GARRE1: variants seen among roughly 807,000 people sequenced by gnomAD.
The protein encoded by GARRE1 is granule associated Rac and RHOG effector 1.
A neutral mutation model predicts 103.2 loss-of-function variants in GARRE1; 49 were observed. The ratio of observed to expected loss-of-function variants is 0.47; its 90% CI spans 0.38 to 0.60. The LOEUF (loss-of-function observed/expected upper bound fraction) is 0.60, where lower values mean the gene tolerates loss of function less well. GARRE1 is among the 20% of genes least tolerant of loss of function. GARRE1 has a pLI of 0.00. For synonymous variants in GARRE1, 505 were observed against 532.8 expected (o/e 0.95, Z 0.72); for missense variants, 1,199 against 1,370.5 (o/e 0.87, Z 1.98).
chr19:34,341,683 T>C lies in GARRE1; in HGVS notation c.1749T>C (p.Asn583=), dbSNP rs1568311376. ...AAGAGAAGGCCAAAATGCCTGGCAA[T>C]ATTGATACAAGGTTACAAAGCATTT... ...CSEEKAKMPG[N]IDTRLQSILN... Residue 583 remains asparagine (N), a synonymous_variant, in exon 10 of 14, where the codon AAT becomes AAC. Transcript: ENST00000299505. 8.7e-6 allele frequency: 14 copies of C among 1,614,210 alleles called. No homozygotes were observed. Among genetic ancestry groups the C allele is most frequent in the Non-Finnish European group, 1.1e-5 (13 of 1,180,040 alleles).
In GARRE1 at chr19:34,352,515, G is replaced by C; in HGVS notation, c.2905-132G>C. 3 of 723,886 alleles carry C rather than the reference G, an allele frequency of 4.1e-6. No individual in the cohort carries two copies. In the South Asian group the frequency reaches 5.0e-5, roughly 12 times the overall value. 44.8% of individuals were successfully genotyped at this position (723,886 alleles called of 1,614,324 possible). A position where few individuals can be genotyped will look rare whatever the true frequency, so the allele number is the denominator to read the frequency against. On this transcript the variant is annotated intron_variant, in intron 13 of 13. Transcript: ENST00000299505. ...GGCTATCATTGCAAGAAGTTCTGTT[G>C]GACAGGGGTGTGGGAGTGAGTGGGG...
In GARRE1 at chr19:34,327,546, C is replaced by T. The variant is rs770457248; in HGVS notation, c.831C>T (p.Ile277=). 18 of 1,613,714 alleles carry T rather than the reference C, an allele frequency of 1.1e-5. No individual in the cohort carries two copies. Among genetic ancestry groups the T allele is most frequent in the Admixed American group, 1.7e-5 (1 of 59,992 alleles). The change falls in exon 4 of 14, where the codon ATC becomes ATT. Residue 277 remains isoleucine (I), a synonymous_variant. Transcript: ENST00000299505. Reference sequence around the variant, plus strand: ...AGCTAAAAGAACTGAACATAAAAATCGACAGTGCTTTGCAAGTAAGTTTTT... The same window carrying T: ...AGCTAAAAGAACTGAACATAAAAATTGACAGTGCTTTGCAAGTAAGTTTTT... The part of the protein sequence containing the change: ...EHQLKELNIK[I]DSALQAYKIA...
intron 1 of GARRE1, among the ~76,000 whole-genome samples, chr19:34,270,990 G>C (rs2073783791): frequency 6.6e-6 from 1 of 152,172 alleles, no homozygotes; most frequent in African/African-American, 2.4e-5. Context: ...GACATTGCCA[G>C]ATGTTGGTAG....
At chr19:34,296,352 G>A (rs2073947519) in intron 1 of GARRE1, 3 of 1,151,718 alleles carry the variant, frequency 2.6e-6, no homozygotes, top group Non-Finnish European at 3.8e-6. Context: ...TGCAGTCTGG[G>A]CGCTGATTTG....
chr19:34,318,269 T>C (rs983478991), intron 2 of GARRE1, among the ~76,000 whole-genome samples: 13 of 152,120 alleles, frequency 8.5e-5, no homozygotes, highest in Admixed American at 7.9e-4. Flanking sequence ...AGGCGAGAGG[T>C]CCACATGCGT....
At chr19:34,323,198 A>C (rs1004773645) in intron 3 of GARRE1, among the ~76,000 whole-genome samples, 1 of 151,106 alleles carries the variant, frequency 6.6e-6, no homozygotes, top group Non-Finnish European at 1.5e-5. Flanking sequence ...CACCTGGCTA[A>C]TTTTTTGTAT....
chr19:34,320,638 T>A (rs1476668061), intron 3 of GARRE1, among the ~76,000 whole-genome samples: 1 of 152,220 alleles, frequency 6.6e-6, no homozygotes, highest in Non-Finnish European at 1.5e-5. Context: ...CAGGGAATTT[T>A]GTGTTTTTTG....
chr19:34,302,565 A>G (rs1276108528), intron 2 of GARRE1, among the ~76,000 whole-genome samples: 1 of 151,996 alleles, frequency 6.6e-6, no homozygotes, highest in Non-Finnish European at 1.5e-5. Flanking sequence ...AAGTGTTGGG[A>G]TTACAGGTGT....
chr19:34,284,638 A>G (rs1273929120), intron 1 of GARRE1, among the ~76,000 whole-genome samples: 1 of 152,210 alleles, frequency 6.6e-6, no homozygotes, highest in African/African-American at 2.4e-5. Context: ...TTAAGAGTAC[A>G]TGACAAATCT....
intron 1 of GARRE1, among the ~76,000 whole-genome samples, chr19:34,258,633 T>A (rs1012284536): frequency 4.0e-5 from 6 of 151,402 alleles, no homozygotes; most frequent in Non-Finnish European, 8.8e-5. Flanking sequence ...AAAAAAAATA[T>A]TAAAAAATTA....
chr19:34,336,757 A>T (rs2074162928), intron 8 of GARRE1, among the ~76,000 whole-genome samples: 2 of 152,252 alleles, frequency 1.3e-5, no homozygotes, highest in Non-Finnish European at 2.9e-5. Flanking sequence ...GGCGTGAGCC[A>T]CTGCACCCAA....
At chr19:34,325,146 A>T (rs1414276641) in intron 3 of GARRE1, among the ~76,000 whole-genome samples, 2 of 152,150 alleles carry the variant, frequency 1.3e-5, no homozygotes, top group Non-Finnish European at 2.9e-5. Flanking sequence ...CTCTTGGGTC[A>T]TCCTTTCTTC....
At position 34,339,935 on chromosome 19, in the gene GARRE1, G is replaced by C. The variant is rs562440671; in HGVS notation, c.1430G>C (p.Gly477Ala). Residue 477 changes from glycine to alanine, a missense_variant, in exon 9 of 14, where the codon GGT becomes GCT. Transcript: ENST00000299505. ...AGCCTTGATCCTGAGAAGACCCTGG[G>C]TCTAGTGGACGTGCTCTACACAGCT... ...QRSLDPEKTL[G>A]LVDVLYTAVL... 5.9e-5 allele frequency: 95 copies of C among 1,613,964 alleles called. No homozygotes were observed. The South Asian group carries it at 9.2e-4, about 16-fold the overall frequency.
chr19:34,299,246 A>T (rs2073964319), intron 1 of GARRE1, among the ~76,000 whole-genome samples: 1 of 152,062 alleles, frequency 6.6e-6, no homozygotes, highest in Non-Finnish European at 1.5e-5. Context: ...AACCTTTTTG[A>T]TTTCCCTTGC....
intron 1 of GARRE1, among the ~76,000 whole-genome samples, chr19:34,274,430 TGATTA>T: frequency 1.3e-5 from 2 of 152,140 alleles, no homozygotes; most frequent in Non-Finnish European, 2.9e-5. Flanking sequence ...GATAAGACTG[TGATTA>T]ATTGGATGTG....
At chr19:34,341,258 C>T in intron 9 of GARRE1, 164 bp from the exon 10 acceptor site, 1 of 613,286 alleles carries the variant, frequency 1.6e-6, no homozygotes. Context: ...AGATTTCATA[C>T]TCTCCAAACC....
At chr19:34,262,286 G>GTTTTTTTTTTT (rs1280386239) in intron 1 of GARRE1, among the ~76,000 whole-genome samples, 3 of 38,542 alleles carry the variant, frequency 7.8e-5, no homozygotes, top group Admixed American at 3.9e-4. Flanking sequence ...CCCAGCTGCT[G>GTTTTTTTTTTT]CTTTTTTTTT....
chr19:34,288,708 G>A (rs558452446), intron 1 of GARRE1, among the ~76,000 whole-genome samples: 1 of 152,252 alleles, frequency 6.6e-6, no homozygotes, highest in African/African-American at 2.4e-5. Flanking sequence ...TCAGTGGGAA[G>A]TATTAAAGAG....
chr19:34,271,718 T>G (rs1241639626), intron 1 of GARRE1, among the ~76,000 whole-genome samples: 1 of 151,880 alleles, frequency 6.6e-6, no homozygotes, highest in Non-Finnish European at 1.5e-5. Flanking sequence ...AAATAAAAAT[T>G]AGCTGAGCTA....
Sources: gnomAD v4.1 joint callset for allele counts (sites outside exome capture counted in the v4.1 genomes callset) on GRCh38, gnomAD v4.1.1 for gene constraint, MANE v1.5 for transcripts, NCBI Gene and HGNC (gene_info 2026-07-23, HGNC 2026-07-21) for gene names.